The following NCAM2 variants were observed in gnomAD, a reference collection of about 807,000 sequenced individuals.
NCAM2 encodes neural cell adhesion molecule 2.
Under a neutral mutation model 98.1 loss-of-function variants are expected in NCAM2, and 30 were observed. That is an observed-to-expected ratio of 0.31 (90% CI 0.23 to 0.41). The LOEUF (loss-of-function observed/expected upper bound fraction) is 0.41. Among genes scored for constraint, NCAM2 ranks in the 10% least tolerant of loss-of-function variants. The pLI is 1.00. For missense variants in NCAM2, 867 were observed against 1,005.8 expected, an observed-to-expected ratio of 0.86 and a Z score of 1.87; for synonymous variants, 368 against 342.4, an observed-to-expected ratio of 1.07 and a Z score of -0.83.
chr21:21,291,705 A>G (rs965260033), intron 4 of NCAM2, among the ~76,000 whole-genome samples: 1 of 151,766 alleles, frequency 6.6e-6, no homozygotes, highest in South Asian at 2.1e-4. Flanking sequence ...AGGATGTTCA[A>G]TAAATTTTCT....
chr21:21,395,871 A>T (rs1356111027), intron 9 of NCAM2, among the ~76,000 whole-genome samples: 1 of 152,188 alleles, frequency 6.6e-6, no homozygotes, highest in Non-Finnish European at 1.5e-5. Context: ...CTCAAGATAG[A>T]TCAAAGACTT....
chr21:21,528,023 G>T (rs1024532858), intron 16 of NCAM2, among the ~76,000 whole-genome samples: 1 of 152,186 alleles, frequency 6.6e-6, no homozygotes, highest in African/African-American at 2.4e-5. Context: ...AAAAAGGAAA[G>T]AGATAGCAAG....
chr21:21,438,388 C>CACCT (rs1387313493), intron 12 of NCAM2, among the ~76,000 whole-genome samples: 2 of 152,104 alleles, frequency 1.3e-5, no homozygotes, highest in Non-Finnish European at 2.9e-5. Context: ...TCTCACTGTG[C>CACCT]ACCTGGTCCT....
At chr21:21,395,490 C>G (rs1443480363) in intron 9 of NCAM2, among the ~76,000 whole-genome samples, 1 of 152,036 alleles carries the variant, frequency 6.6e-6, no homozygotes, top group African/African-American at 2.4e-5. Flanking sequence ...AAAATAACAC[C>G]ATAATTCTTC....
At chr21:21,427,550 A>T (rs1046693422) in intron 11 of NCAM2, among the ~76,000 whole-genome samples, 9 of 152,210 alleles carry the variant, frequency 5.9e-5, no homozygotes, top group South Asian at 2.1e-4. Context: ...AAAGTCATAG[A>T]AACAGAGAAA....
At chr21:21,158,559 C>T (rs567906729) in intron 1 of NCAM2, among the ~76,000 whole-genome samples, 3 of 151,592 alleles carry the variant, frequency 2.0e-5, no homozygotes, top group South Asian at 4.2e-4. Flanking sequence ...AGGCTGAGAT[C>T]GCACCACTGC....
chr21:21,075,581 T>C (rs533282613), intron 1 of NCAM2, among the ~76,000 whole-genome samples: 1 of 152,320 alleles, frequency 6.6e-6, no homozygotes, highest in African/African-American at 2.4e-5. Flanking sequence ...TTAATTATGT[T>C]GTTACCTGTA....
chr21:21,151,510 G>A (rs1174742276), intron 1 of NCAM2, among the ~76,000 whole-genome samples: 1 of 151,984 alleles, frequency 6.6e-6, no homozygotes, highest in Admixed American at 6.6e-5. Flanking sequence ...TCTCAGAGTG[G>A]AATGGTATAG....
At chr21:21,281,006 G>C (rs2072910363) in intron 2 of NCAM2, among the ~76,000 whole-genome samples, 1 of 152,028 alleles carries the variant, frequency 6.6e-6, no homozygotes, top group Non-Finnish European at 1.5e-5. Flanking sequence ...GGCCAGGCTG[G>C]TCTCAAACTT....
intron 1 of NCAM2, among the ~76,000 whole-genome samples, chr21:21,078,855 A>G (rs1223538848): frequency 1.3e-5 from 2 of 152,246 alleles, no homozygotes; most frequent in East Asian, 1.9e-4. Flanking sequence ...CTATGCAGCC[A>G]TAAAACAGAC....
chr21:21,225,438 A>G (rs1435997180), intron 1 of NCAM2, among the ~76,000 whole-genome samples: 1 of 152,046 alleles, frequency 6.6e-6, no homozygotes, highest in Non-Finnish European at 1.5e-5. Flanking sequence ...TACCCAACAT[A>G]TATTGTTTCT....
chr21:21,467,428 T>TATATATATATATATATA lies in NCAM2; in HGVS notation c.1774+703_1774+704insATATATATATATATATA, dbSNP rs1555902035. Among the ~76,000 whole-genome samples the TATATATATATATATATA allele has an allele frequency of 5.7e-5, 8 of 140,734 alleles. 1 individual carries two copies. The highest frequency in any genetic ancestry group is 2.2e-4 in the African/African-American group (8 of 35,988). 92.3% of individuals were successfully genotyped at this position (140,734 alleles called of 152,430 possible). On this transcript the variant is annotated intron_variant, in intron 13 of 17. Transcript: ENST00000400546. ...TGTATATGTGTATATATATATCTTTTTATATATATATATATGTTAGGACAG... is the reference window on the plus strand; with the variant it reads ...TGTATATGTGTATATATATATCTTTTATATATATATATATATATATATATATATATATGTTAGGACAG...
At chr21:21,058,307 A>G (rs568402050) in intron 1 of NCAM2, among the ~76,000 whole-genome samples, 123 of 152,194 alleles carry the variant, frequency 8.1e-4, no homozygotes, top group African/African-American at 2.6e-3. Context: ...GTGCATATGT[A>G]TGTGTGCTTG....
chr21:21,217,286 G>A (rs947864568), intron 1 of NCAM2, among the ~76,000 whole-genome samples: 6 of 152,066 alleles, frequency 3.9e-5, no homozygotes, highest in African/African-American at 1.2e-4. Flanking sequence ...ACGTATAGTG[G>A]TCTAAGTCTG....
intron 1 of NCAM2, among the ~76,000 whole-genome samples, chr21:21,068,093 A>G (rs1184580620): frequency 6.6e-6 from 1 of 151,958 alleles, no homozygotes; most frequent in Admixed American, 6.6e-5. Flanking sequence ...AACCAAATAA[A>G]GACTAATTAA....
At chr21:21,306,999 A>G (rs1037647806) in intron 5 of NCAM2, among the ~76,000 whole-genome samples, 7 of 152,082 alleles carry the variant, frequency 4.6e-5, no homozygotes, top group African/African-American at 1.7e-4. Flanking sequence ...CTGCAGTTCT[A>G]TCCATGTGGT....
intron 1 of NCAM2, among the ~76,000 whole-genome samples, chr21:21,131,603 T>C (rs1317569013): frequency 1.3e-5 from 2 of 152,224 alleles, no homozygotes; most frequent in African/African-American, 4.8e-5. Context: ...AAATTAGCCT[T>C]CATACTTTAC....
chr21:21,427,505 A>G (rs2077240238), intron 11 of NCAM2, among the ~76,000 whole-genome samples: 2 of 152,240 alleles, frequency 1.3e-5, no homozygotes, highest in South Asian at 2.1e-4. Context: ...GATGTACAGC[A>G]TGATCTCACT....
intron 5 of NCAM2, among the ~76,000 whole-genome samples, chr21:21,306,470 G>T (rs1167077630): frequency 6.6e-6 from 1 of 152,092 alleles, no homozygotes; most frequent in Non-Finnish European, 1.5e-5. Flanking sequence ...CAATACCTGA[G>T]TGTTAGCAAT....
Sources: allele counts gnomAD v4.1 joint callset (sites outside exome capture counted in the v4.1 genomes callset), GRCh38; gene constraint gnomAD v4.1.1; transcripts MANE v1.5; gene names NCBI Gene and HGNC (gene_info 2026-07-23, HGNC 2026-07-21).